PXDNL: variants seen among roughly 807,000 people sequenced by gnomAD.
PXDNL encodes probable oxidoreductase PXDNL.
Under a neutral mutation model 150.8 loss-of-function variants are expected in PXDNL, and 145 were observed. That is an observed-to-expected ratio of 0.96 (90% CI 0.84 to 1.10). PXDNL has a LOEUF of 1.10. Ranked by LOEUF, PXDNL falls within the 50% of genes least tolerant of loss-of-function variation. PXDNL has a pLI of 0.00. For missense variants in PXDNL, 2,087 were observed against 1,873.9 expected (o/e 1.11, Z -2.10); for synonymous variants, 757 against 725.7 (o/e 1.04, Z -0.69).
At chr8:51,696,646 TCCACACAC>T (rs1331464253) in intron 1 of PXDNL, among the ~76,000 whole-genome samples, 2 of 3,040 alleles carry the variant, frequency 6.6e-4, no homozygotes, top group Non-Finnish European at 1.4e-3. Flanking sequence ...CATACGCACA[TCCACACAC>T]ATCCACACAC....
intron 1 of PXDNL, among the ~76,000 whole-genome samples, chr8:51,718,524 G>A (rs187551800): frequency 1.3e-4 from 20 of 152,318 alleles, no homozygotes; most frequent in South Asian, 6.2e-4. Context: ...AATACCAACC[G>A]TGGCTCGAAC....
intron 1 of PXDNL, among the ~76,000 whole-genome samples, chr8:51,657,185 T>C (rs1444021696): frequency 1.3e-5 from 2 of 152,222 alleles, no homozygotes; most frequent in Non-Finnish European, 2.9e-5. Flanking sequence ...GACTATCTCA[T>C]GCAATTTACT....
chr8:51,635,663 A>T (rs1814589934), intron 2 of PXDNL, among the ~76,000 whole-genome samples: 1 of 152,084 alleles, frequency 6.6e-6, no homozygotes, highest in South Asian at 2.1e-4. Flanking sequence ...AAAAAAGCAG[A>T]AAATCTGAGT....
At chr8:51,533,633 G>A (rs1424808952) in intron 4 of PXDNL, among the ~76,000 whole-genome samples, 1 of 149,010 alleles carries the variant, frequency 6.7e-6, no homozygotes, top group Non-Finnish European at 1.5e-5. Flanking sequence ...GCCTGCGGAC[G>A]CCGCCACGCC....
rs1018816684 is a variant in PXDNL, at chr8:51,755,138, C to A, written c.164+54043G>T. On this transcript the variant is annotated intron_variant, in intron 1 of 22. Coordinates refer to ENST00000356297, the MANE Select transcript of PXDNL (RefSeq NM_144651.5). ...CATCTCTAGAGTCTGAACAAAAGGA[C>A]AAATGGGCCCCATCCATCTAAACAG... Among the ~76,000 whole-genome samples, 26 of 152,116 alleles carry A rather than the reference C, an allele frequency of 1.7e-4. 1 individual carries two copies. Among genetic ancestry groups the A allele is most frequent in the Admixed American group, 1.7e-3 (26 of 15,276 alleles).
At chr8:51,736,509 T>C (rs1200621337) in intron 1 of PXDNL, among the ~76,000 whole-genome samples, 1 of 152,244 alleles carries the variant, frequency 6.6e-6, no homozygotes, top group African/African-American at 2.4e-5. Flanking sequence ...ACCAGTGTTA[T>C]TCTGTAAACC....
At position 51,756,821 on chromosome 8, in the gene PXDNL, C is replaced by T. The variant is rs565539909; in HGVS notation, c.164+52360G>A. ...TTTTTTTTAATCTGTACTACATGTT[C>T]AGACATTCTAGCTTCAAATTCCAAA... is the stretch of plus-strand genomic sequence containing the variant. On this transcript the variant is annotated intron_variant, in intron 1 of 22. Coordinates refer to ENST00000356297, the MANE Select transcript of PXDNL (RefSeq NM_144651.5). Among the ~76,000 whole-genome samples the T allele has an allele frequency of 1.6e-4, 24 of 151,848 alleles. 1 individual carries two copies. The East Asian group carries it at 4.1e-3, about 26-fold the overall frequency.
intron 5 of PXDNL, among the ~76,000 whole-genome samples, chr8:51,498,296 G>T (rs1023428273): frequency 7.7e-6 from 1 of 129,326 alleles, no homozygotes; most frequent in African/African-American, 2.8e-5. Flanking sequence ...TCGGGGGAGG[G>T]GGGAGGGATA....
At chr8:51,451,423 C>A (rs1252815579) in intron 10 of PXDNL, among the ~76,000 whole-genome samples, 1 of 152,200 alleles carries the variant, frequency 6.6e-6, no homozygotes, top group Non-Finnish European at 1.5e-5. Flanking sequence ...AAGCTGACAT[C>A]TTTGGGCTTT....
intron 5 of PXDNL, among the ~76,000 whole-genome samples, chr8:51,487,483 C>T (rs1365546637): frequency 6.6e-6 from 1 of 151,844 alleles, no homozygotes; most frequent in Admixed American, 6.6e-5. Context: ...CTGGTCGACT[C>T]TGTGTTCTTT....
intron 19 of PXDNL, among the ~76,000 whole-genome samples, chr8:51,366,293 A>G (rs578143194): frequency 1.3e-5 from 2 of 152,198 alleles, no homozygotes; most frequent in Non-Finnish European, 2.9e-5. Flanking sequence ...AAGGCAGCCA[A>G]CTCTTCAAAT....
At chr8:51,723,836 A>T (rs1216155134) in intron 1 of PXDNL, among the ~76,000 whole-genome samples, 1 of 152,038 alleles carries the variant, frequency 6.6e-6, no homozygotes, top group Non-Finnish European at 1.5e-5. Context: ...ACTTTTGTTG[A>T]CAATGAGAGG....
At chr8:51,752,612 C>T (rs1345581940) in intron 1 of PXDNL, among the ~76,000 whole-genome samples, 6 of 152,118 alleles carry the variant, frequency 3.9e-5, no homozygotes, top group Non-Finnish European at 8.8e-5. Context: ...AATCTCCTGA[C>T]TAAAGGATGT....
At chr8:51,708,041 ATCT>A (rs1386099996) in intron 1 of PXDNL, among the ~76,000 whole-genome samples, 11 of 152,210 alleles carry the variant, frequency 7.2e-5, no homozygotes, top group African/African-American at 2.4e-4. Flanking sequence ...CTAAATTAAA[ATCT>A]TCTTGATATT....
intron 4 of PXDNL, among the ~76,000 whole-genome samples, chr8:51,542,297 C>G (rs1304071889): frequency 6.6e-6 from 1 of 152,046 alleles, no homozygotes; most frequent in Admixed American, 6.6e-5. Flanking sequence ...CAAAGCAATC[C>G]TACTTTATAA....
In PXDNL at chr8:51,679,694, G is replaced by A. The variant is rs143298412; in HGVS notation, c.165-24934C>T. Among the ~76,000 whole-genome samples the A allele has an allele frequency of 3.8e-4, 58 of 152,256 alleles. 3 individuals are homozygous for A. The East Asian group carries it at 0.011, about 28-fold the overall frequency. On this transcript the variant is annotated intron_variant, in intron 1 of 22. Transcript: ENST00000356297. The stretch of plus-strand genomic sequence containing the variant: ...GGCTTCATGCTTTGACTTCCAGAGG[G>A]ACATTTTGGCATGTGGTGTAGTGTT...
intron 17 of PXDNL, among the ~76,000 whole-genome samples, chr8:51,391,480 C>G (rs1256970259): frequency 6.6e-6 from 1 of 152,302 alleles, no homozygotes; most frequent in Admixed American, 6.5e-5. Context: ...ATTTGCATTT[C>G]TCTGATGGCA....
At chr8:51,673,247 G>A (rs1209495023) in intron 1 of PXDNL, among the ~76,000 whole-genome samples, 1 of 152,132 alleles carries the variant, frequency 6.6e-6, no homozygotes, top group Admixed American at 6.5e-5. Flanking sequence ...TATCAAGCCA[G>A]AGTTCAATTA....
At chr8:51,782,561 A>T (rs1013460263) in intron 1 of PXDNL, among the ~76,000 whole-genome samples, 3 of 152,244 alleles carry the variant, frequency 2.0e-5, no homozygotes, top group Admixed American at 1.3e-4. Flanking sequence ...AGTCACTGAT[A>T]AAATATTTGT....
Sources: allele counts gnomAD v4.1 joint callset (sites outside exome capture counted in the v4.1 genomes callset), GRCh38; gene constraint gnomAD v4.1.1; transcripts MANE v1.5; gene names NCBI Gene and HGNC (gene_info 2026-07-23, HGNC 2026-07-21).